The following STPG2 variants were observed in gnomAD, a reference collection of about 807,000 sequenced individuals.
STPG2 encodes the protein sperm tail PG-rich repeat containing 2.
STPG2 carries 56 observed loss-of-function variants against 54.2 expected under a neutral mutation model. The ratio of observed to expected loss-of-function variants is 1.03; its 90% CI spans 0.83 to 1.29. The LOEUF (loss-of-function observed/expected upper bound fraction) is 1.29, where lower values mean the gene tolerates loss of function less well. STPG2 is among the 50% of genes most tolerant of loss of function. STPG2 has a pLI of 0.00. For missense variants in STPG2, 596 were observed against 544.9 expected (o/e 1.09, Z -0.93); for synonymous variants, 200 against 181.8 (o/e 1.10, Z -0.81).
At chr4:97,956,767 G>T (rs1421547104) in intron 7 of STPG2, among the ~76,000 whole-genome samples, 1 of 152,092 alleles carries the variant, frequency 6.6e-6, no homozygotes, top group Non-Finnish European at 1.5e-5. Context: ...AGGAAAAGGG[G>T]GAGAATAATA....
intron 9 of STPG2, among the ~76,000 whole-genome samples, chr4:97,797,505 T>C (rs1361763115): frequency 6.6e-6 from 1 of 152,250 alleles, no homozygotes; most frequent in East Asian, 1.9e-4. Context: ...GATTTGCCTA[T>C]GTTGAACCAG....
intron 5 of STPG2, among the ~76,000 whole-genome samples, chr4:98,099,781 A>G (rs1738972041): frequency 6.6e-6 from 1 of 152,182 alleles, no homozygotes; most frequent in Admixed American, 6.6e-5. Context: ...TAAAAATCAA[A>G]ATAAATTCTA....
chr4:97,787,400 C>T (rs1236600990), intron 9 of STPG2, among the ~76,000 whole-genome samples: 1 of 151,914 alleles, frequency 6.6e-6, no homozygotes, highest in Non-Finnish European at 1.5e-5. Flanking sequence ...TTTTTATTTT[C>T]TTTTACTCCA....
chr4:97,513,467 G>A, intron 4 of STPG2, among the ~76,000 whole-genome samples: 1 of 151,980 alleles, frequency 6.6e-6, no homozygotes, highest in Non-Finnish European at 1.5e-5. Context: ...TCATGCATTG[G>A]TCTTTCAAGT....
intron 7 of STPG2, among the ~76,000 whole-genome samples, chr4:97,948,983 C>G (rs771981886): frequency 1.3e-5 from 2 of 152,008 alleles, no homozygotes; most frequent in Non-Finnish European, 2.9e-5. Context: ...CTGTCTCAGT[C>G]ATCTGTATAC....
intron 5 of STPG2, among the ~76,000 whole-genome samples, chr4:98,059,544 T>G (rs1737580349): frequency 6.6e-6 from 1 of 150,888 alleles, no homozygotes; most frequent in Admixed American, 6.6e-5. Context: ...CTCCCCCAAA[T>G]CATTCTATGA....
chr4:98,037,287 A>G (rs1364863189), intron 5 of STPG2, among the ~76,000 whole-genome samples: 1 of 152,116 alleles, frequency 6.6e-6, no homozygotes, highest in Non-Finnish European at 1.5e-5. Flanking sequence ...CTACTAATAT[A>G]TAACAAATGC....
At chr4:97,760,340 A>G (rs1725854097) in intron 9 of STPG2, among the ~76,000 whole-genome samples, 1 of 152,186 alleles carries the variant, frequency 6.6e-6, no homozygotes, top group Non-Finnish European at 1.5e-5. Flanking sequence ...ATGTTTTTAA[A>G]TAAGTGAACC....
At position 97,983,517 on chromosome 4, in the gene STPG2, G is replaced by A. The variant is rs117041687; in HGVS notation, c.613-2199C>T. 9.9e-4 allele frequency among the ~76,000 whole-genome samples: 151 copies of A among 152,220 alleles called. 1 individual carries two copies. The East Asian group carries it at 0.028, about 28-fold the overall frequency. Reference sequence around the variant, plus strand: ...TTGACTCATGAATGCCAATGTTAACGATTTATAATTCATTACTGAGCAGGT... The same window carrying A: ...TTGACTCATGAATGCCAATGTTAACAATTTATAATTCATTACTGAGCAGGT... On this transcript the variant is annotated intron_variant, in intron 5 of 10. Coordinates refer to ENST00000295268, the MANE Select transcript of STPG2 (RefSeq NM_174952.3).
chr4:97,768,852 C>T (rs1726135507), intron 9 of STPG2, among the ~76,000 whole-genome samples: 1 of 152,062 alleles, frequency 6.6e-6, no homozygotes, highest in Non-Finnish European at 1.5e-5. Flanking sequence ...CAGGCATGTG[C>T]CATCATGCCC....
At chr4:97,760,709 G>A (rs897258991) in intron 9 of STPG2, among the ~76,000 whole-genome samples, 1 of 152,154 alleles carries the variant, frequency 6.6e-6, no homozygotes, top group Admixed American at 6.6e-5. Context: ...CTCTGAGCAA[G>A]GGTCAGTATG....
intron 4 of STPG2, among the ~76,000 whole-genome samples, chr4:97,445,189 A>G (rs1336331999): frequency 6.6e-6 from 1 of 152,236 alleles, no homozygotes; most frequent in Non-Finnish European, 1.5e-5. Flanking sequence ...AATGTACTAC[A>G]TATTGATAAC....
chr4:97,530,365 T>C (rs1731387329), intron 4 of STPG2, among the ~76,000 whole-genome samples: 1 of 152,224 alleles, frequency 6.6e-6, no homozygotes, highest in Admixed American at 6.5e-5. Context: ...ACTGTGTAAA[T>C]AACTGTGCGA....
At chr4:97,558,833 C>G (rs1053189653), downstream of STPG2, 3 of 486,388 alleles carry the variant, frequency 6.2e-6, no homozygotes, top group African/African-American at 6.1e-5. Context: ...AACTGTTAAG[C>G]AATAACAGAT....
At chr4:97,894,722 A>G (rs1730896590) in intron 8 of STPG2, among the ~76,000 whole-genome samples, 1 of 151,894 alleles carries the variant, frequency 6.6e-6, no homozygotes. Context: ...ATCTTCCTTG[A>G]TCTAAATTTA....
chr4:97,514,852 C>T (rs948115903), intron 4 of STPG2, among the ~76,000 whole-genome samples: 4 of 151,858 alleles, frequency 2.6e-5, no homozygotes, highest in African/African-American at 9.7e-5. Context: ...AACATTACCT[C>T]GCAAAGTCCT....
chr4:97,477,738 C>T (rs990379078), intron 4 of STPG2, among the ~76,000 whole-genome samples: 2 of 151,824 alleles, frequency 1.3e-5, no homozygotes, highest in African/African-American at 2.4e-5. Flanking sequence ...GATCTGCCTG[C>T]CTTGGCCTCC....
intron 5 of STPG2, among the ~76,000 whole-genome samples, chr4:98,077,282 C>T (rs1262856193): frequency 6.6e-6 from 1 of 151,484 alleles, no homozygotes; most frequent in African/African-American, 2.4e-5. Flanking sequence ...CCCCCTCTGT[C>T]GCCCAAGCTG....
intron 10 of STPG2, among the ~76,000 whole-genome samples, chr4:97,624,745 T>C (rs1734096774): frequency 6.6e-6 from 1 of 152,330 alleles, no homozygotes; most frequent in Non-Finnish European, 1.5e-5. Context: ...AGGGCTTTTA[T>C]AGTTTTGGAT....
Sources: gnomAD v4.1 joint callset for allele counts (sites outside exome capture counted in the v4.1 genomes callset) on GRCh38, gnomAD v4.1.1 for gene constraint, MANE v1.5 for transcripts, NCBI Gene and HGNC (gene_info 2026-07-23, HGNC 2026-07-21) for gene names.